Variants in CFAP299 observed in about 807,000 individuals in gnomAD.
CFAP299 encodes cilia and flagella associated protein 299, also known as cilia- and flagella-associated protein 299.
A neutral mutation model predicts 27.0 loss-of-function variants in CFAP299; 21 were observed. The observed-to-expected ratio is 0.78, with a 90% confidence interval of 0.55 to 1.12. The LOEUF is 1.12. CFAP299 is among the 50% of genes most tolerant of loss of function. The probability of loss-of-function intolerance (pLI) is 0.00; values close to 1 mark genes in which losing one functional copy is unlikely to be tolerated. For missense variants in CFAP299, 310 were observed against 276.6 expected (o/e 1.12, Z -0.86); for synonymous variants, 104 against 98.1 (o/e 1.06, Z -0.36).
intron 3 of CFAP299, among the ~76,000 whole-genome samples, chr4:80,623,172 G>A (rs1054810626): frequency 6.6e-6 from 1 of 152,042 alleles, no homozygotes; most frequent in Non-Finnish European, 1.5e-5. Context: ...AATATTGGCA[G>A]GAGAGAGAAA....
intron 3 of CFAP299, among the ~76,000 whole-genome samples, chr4:80,812,783 G>A (rs1383054559): frequency 6.6e-6 from 1 of 152,036 alleles, no homozygotes; most frequent in Non-Finnish European, 1.5e-5. Context: ...TATGTAAATA[G>A]TTTTCATATT....
At chr4:80,902,072 A>G (rs1351562862) in intron 4 of CFAP299, among the ~76,000 whole-genome samples, 3 of 152,038 alleles carry the variant, frequency 2.0e-5, no homozygotes, top group Non-Finnish European at 4.4e-5. Context: ...CAAAACTGTG[A>G]TATTTTCCAG....
At chr4:80,868,407 G>T (rs146919927) in intron 3 of CFAP299, among the ~76,000 whole-genome samples, 2 of 152,238 alleles carry the variant, frequency 1.3e-5, no homozygotes, top group African/African-American at 2.4e-5. Context: ...TTTCCCTGGC[G>T]TACTGTTCCT....
intron 2 of CFAP299, among the ~76,000 whole-genome samples, chr4:80,494,833 G>T (rs1313708337): frequency 1.3e-5 from 2 of 152,078 alleles, no homozygotes; most frequent in African/African-American, 4.8e-5. Flanking sequence ...GATACAATGG[G>T]GGTATAAACA....
chr4:80,784,311 C>T (rs192686188), intron 3 of CFAP299, among the ~76,000 whole-genome samples: 1 of 152,242 alleles, frequency 6.6e-6, no homozygotes, highest in Non-Finnish European at 1.5e-5. Flanking sequence ...TACATTCCCA[C>T]TAACAGTGTA....
chr4:80,893,448 GC>G (rs1734447022), intron 4 of CFAP299, among the ~76,000 whole-genome samples: 1 of 151,750 alleles, frequency 6.6e-6, no homozygotes, highest in Non-Finnish European at 1.5e-5. Flanking sequence ...AAAATTGTAG[GC>G]ATTACACTGA....
At chr4:80,760,595 T>G (rs1241516294) in intron 3 of CFAP299, among the ~76,000 whole-genome samples, 2 of 152,188 alleles carry the variant, frequency 1.3e-5, no homozygotes, top group African/African-American at 2.4e-5. Context: ...AAAGATCATA[T>G]GTATATTGAT....
At chr4:80,517,847 T>C (rs930154559) in intron 2 of CFAP299, among the ~76,000 whole-genome samples, 4 of 152,150 alleles carry the variant, frequency 2.6e-5, no homozygotes, top group Non-Finnish European at 5.9e-5. Context: ...GAGACAGTGA[T>C]TGATGAACTG....
intron 3 of CFAP299, among the ~76,000 whole-genome samples, chr4:80,778,543 G>A (rs1726680998): frequency 6.6e-6 from 1 of 151,790 alleles, no homozygotes; most frequent in African/African-American, 2.4e-5. Context: ...AAAATTACTG[G>A]TTTACTACCC....
At chr4:80,388,148 G>C (rs2110029321) in intron 2 of CFAP299, 1 of 668,964 alleles carries the variant, frequency 1.5e-6, no homozygotes, top group South Asian at 1.7e-5. Context: ...CAGGCTGTGG[G>C]GTGGAGGTGG....
At chr4:80,405,191 G>A (rs1018002362) in intron 2 of CFAP299, among the ~76,000 whole-genome samples, 1 of 152,076 alleles carries the variant, frequency 6.6e-6, no homozygotes, top group Non-Finnish European at 1.5e-5. Context: ...CATACCAGAC[G>A]CTGGCCTGTT....
At chr4:80,335,916 C>CGTCCCTCG in intron 1 of CFAP299, 37 bp downstream of exon 1, 1 of 1,322,358 alleles carries the variant, frequency 7.6e-7, no homozygotes, top group Non-Finnish European at 1.1e-6. Flanking sequence ...CGCCGCCGCG[C>CGTCCCTCG]GTCCCTCGGT....
intron 2 of CFAP299, among the ~76,000 whole-genome samples, chr4:80,499,328 TATA>T (rs1198677926): frequency 2.6e-5 from 4 of 152,294 alleles, no homozygotes; most frequent in Non-Finnish European, 5.9e-5. Context: ...TTAATGGTGC[TATA>T]ATAATTTGGA....
At chr4:80,687,582 G>A (rs977839816) in intron 3 of CFAP299, among the ~76,000 whole-genome samples, 2 of 152,110 alleles carry the variant, frequency 1.3e-5, no homozygotes, top group Non-Finnish European at 2.9e-5. Flanking sequence ...TAAATAATTT[G>A]TTGATTACAT....
intron 2 of CFAP299, among the ~76,000 whole-genome samples, chr4:80,490,312 G>T (rs772532829): frequency 7.2e-5 from 11 of 152,154 alleles, no homozygotes; most frequent in East Asian, 1.9e-4. Flanking sequence ...TGAAAAAAAT[G>T]TATGTCACCA....
At chr4:80,870,561 T>C in intron 4 of CFAP299, 1 of 987,816 alleles carries the variant, frequency 1.0e-6, no homozygotes, top group Non-Finnish European at 1.2e-6. Flanking sequence ...TCTGTCCTAT[T>C]CTGGGACACC....
At chr4:80,414,854 C>G (rs1416968807) in intron 2 of CFAP299, among the ~76,000 whole-genome samples, 1 of 152,180 alleles carries the variant, frequency 6.6e-6, no homozygotes, top group East Asian at 1.9e-4. Context: ...CATACATGTA[C>G]TCTTCATATT....
At chr4:80,788,458 G>A (rs999881165) in intron 3 of CFAP299, among the ~76,000 whole-genome samples, 7 of 151,772 alleles carry the variant, frequency 4.6e-5, no homozygotes, top group Non-Finnish European at 8.8e-5. Context: ...AAAATGTAGT[G>A]TACCCATCAC....
intron 3 of CFAP299, among the ~76,000 whole-genome samples, chr4:80,840,283 A>C (rs1298693907): frequency 1.3e-5 from 2 of 152,152 alleles, no homozygotes; most frequent in Non-Finnish European, 2.9e-5. Flanking sequence ...CTAAGGGTAC[A>C]TCTATCAAAA....
Sources: allele counts gnomAD v4.1 joint callset (sites outside exome capture counted in the v4.1 genomes callset), GRCh38; gene constraint gnomAD v4.1.1; transcripts MANE v1.5; gene names NCBI Gene and HGNC (gene_info 2026-07-23, HGNC 2026-07-21).